The following SETD1B variants were observed in gnomAD, a reference collection of about 807,000 sequenced individuals.
SETD1B encodes the protein histone-lysine N-methyltransferase SETD1B.
In SETD1B, 7 loss-of-function variants were observed where a neutral mutation model predicts 148.0. The observed-to-expected ratio is 0.05, with a 90% CI of 0.03 to 0.09. SETD1B has a LOEUF of 0.09. Ranked by LOEUF, SETD1B falls within the 10% of genes least tolerant of loss-of-function variation. The pLI is 1.00. For synonymous variants in SETD1B, 1,361 were observed against 1,186.5 expected (o/e 1.15, Z -3.02); for missense variants, 2,155 against 2,729.9 (o/e 0.79, Z 4.69).
intron 13 of SETD1B, among the ~76,000 whole-genome samples, chr12:121,827,191 C>A (rs1592992446): frequency 6.6e-6 from 1 of 151,962 alleles, no homozygotes; most frequent in Non-Finnish European, 1.5e-5. Context: ...TCGGAAGGAT[C>A]CCCGATTTTG....
At position 121,825,206 on chromosome 12, in the gene SETD1B, G is replaced by C; in HGVS notation, c.5177G>C (p.Ser1726Thr). The C allele has an allele frequency of 6.4e-7, 1 of 1,551,490 alleles. No individual in the cohort carries two copies. The highest frequency in any genetic ancestry group is 8.7e-7 in the Non-Finnish European group (1 of 1,146,978). Residue 1726 changes from serine (S) to threonine (T), a missense_variant, in exon 13 of 17, where the codon AGC becomes ACC. Physicochemically the swap from Ser to Thr is moderately conservative, Grantham distance 58. This residue lies in a region of SETD1B where 96 missense variants were observed against 148.7 expected (regional missense o/e 0.65). Transcript: ENST00000604567. Reference sequence around the variant, plus strand: ...GCCCTTGACCCACACCCACCCACCAGCCTCTCTTCAGCTAAGAAGAAGAAA... The same window carrying C: ...GCCCTTGACCCACACCCACCCACCACCCTCTCTTCAGCTAAGAAGAAGAAA... ...DTLWVYHPST[S>T]LSSAKKKKRD...
At position 121,830,394 on chromosome 12, in the gene SETD1B, C is replaced by G. The variant is rs575877388; in HGVS notation, c.*155C>G. On this transcript the variant is annotated 3_prime_UTR_variant, in exon 17 of 17. Transcript: ENST00000604567. This position sits in a 1 kb window ranked among gnomAD's most constrained non-coding sequence, Gnocchi z 5.7. ...CAGGGCCTGGCGCCCCACACTACCCCCTGGAGCCCCTGGCTCCGGCCCCTC... is the reference window on the plus strand; with the variant it reads ...CAGGGCCTGGCGCCCCACACTACCCGCTGGAGCCCCTGGCTCCGGCCCCTC... The G allele has an allele frequency of 3.9e-4, 247 of 640,576 alleles. 6 individuals carry two copies. The highest frequency in any genetic ancestry group is 3.4e-3 in the South Asian group (163 of 47,372). The allele number at this position is 640,576 out of a possible 1,614,324, so 39.7% of individuals were successfully genotyped here.
At chr12:121,826,326 G>A (rs955903359) in intron 13 of SETD1B, among the ~76,000 whole-genome samples, 2 of 152,226 alleles carry the variant, frequency 1.3e-5, no homozygotes, top group Non-Finnish European at 1.5e-5. Context: ...GGATTACCAA[G>A]TCAAAGGGGA....
upstream of SETD1B, chr12:121,803,611 C>A (rs994903136): frequency 6.6e-6 from 1 of 152,162 alleles, no homozygotes; most frequent in African/African-American, 2.4e-5. This position sits in a 1 kb window ranked among gnomAD's most constrained non-coding sequence, Gnocchi z 4.7. Context: ...CCCCCAGACC[C>A]CAGCCATCTC....
At chr12:121,792,137 C>T in the SETD1B span, among the ~76,000 whole-genome samples, 1 of 133,104 alleles carries the variant, frequency 7.5e-6, no homozygotes, top group Non-Finnish European at 1.5e-5. Flanking sequence ...CTTTTCGGGT[C>T]CTCTCCAAGG....
At chr12:121,803,902 G>GC (rs1875546376), upstream of SETD1B, 1 of 154,034 alleles carries the variant, frequency 6.5e-6, no homozygotes, top group Non-Finnish European at 1.5e-5. The surrounding 1 kb of genome is among the most constrained non-coding windows in gnomAD (Gnocchi z 4.7). Flanking sequence ...AGCTGCCGCC[G>GC]CCGGGAGAGT....
At chr12:121,803,104 G>C (rs1451671275), upstream of SETD1B, 1 of 151,944 alleles carries the variant, frequency 6.6e-6, no homozygotes, top group Non-Finnish European at 1.5e-5. The surrounding 1 kb of genome is among the most constrained non-coding windows in gnomAD (Gnocchi z 4.7). Context: ...CCAGCTCCGA[G>C]CCCCGGCGAG....
intron 6 of SETD1B, among the ~76,000 whole-genome samples, chr12:121,811,315 G>T (rs892413047): frequency 1.3e-5 from 2 of 152,072 alleles, no homozygotes; most frequent in Non-Finnish European, 2.9e-5. Flanking sequence ...TGAAGCCCCG[G>T]AGCATTGTCT....
the SETD1B span, among the ~76,000 whole-genome samples, chr12:121,792,620 C>T: frequency 1.3e-5 from 2 of 152,250 alleles, no homozygotes; most frequent in African/African-American, 2.4e-5. Context: ...GCCGTGGAAT[C>T]CTGGGAGCTG....
the SETD1B span, chr12:121,793,344 C>T: frequency 2.1e-6 from 3 of 1,433,160 alleles, no homozygotes; most frequent in South Asian, 2.5e-5. Context: ...TCAGCCCCCC[C>T]TCACCCCGCT....
intron 11 of SETD1B, among the ~76,000 whole-genome samples, 159 bp from the exon 12 acceptor site, chr12:121,822,331 T>C (rs1158856689): frequency 6.6e-6 from 1 of 152,188 alleles, no homozygotes; most frequent in African/African-American, 2.4e-5. Flanking sequence ...TGACACTGGG[T>C]TGGGCGCTGA....
intron 11 of SETD1B, 22 bp from the exon 12 acceptor site, chr12:121,822,468 G>T (rs1876603875): frequency 1.3e-6 from 2 of 1,513,252 alleles, no homozygotes; most frequent in Non-Finnish European, 1.8e-6. Flanking sequence ...TAAATGTCTC[G>T]TGTTCGCTCA....
intron 12 of SETD1B, among the ~76,000 whole-genome samples, chr12:121,824,602 G>A (rs564077249): frequency 5.3e-5 from 8 of 151,874 alleles, no homozygotes; most frequent in Non-Finnish European, 1.0e-4. Flanking sequence ...AGCCAAGATC[G>A]CACCACTGCA....
the SETD1B span, among the ~76,000 whole-genome samples, chr12:121,796,734 A>G: frequency 1.3e-5 from 2 of 152,240 alleles, no homozygotes; most frequent in African/African-American, 4.8e-5. Context: ...AGCCAGACTC[A>G]GCAACAGCTC....
rs1423745892 is a variant in SETD1B at position 121,805,015 on chromosome 12, C to T, written c.175-103C>T. ...CCCGATCCCCCGGCCAACTGTCAGA[C>T]GGGGCCCCAGCCCTGGAGTTTGACA... On this transcript the variant is annotated intron_variant, in intron 2 of 16. Coordinates refer to ENST00000604567, the MANE Select transcript of SETD1B (RefSeq NM_001353345.2). The surrounding 1 kb of genome is among the most constrained non-coding windows in gnomAD (Gnocchi z 4.2). The T allele has an allele frequency of 3.4e-6, 5 of 1,464,750 alleles. No individual in the cohort carries two copies. The highest frequency in any genetic ancestry group is 2.8e-5 in the African/African-American group (2 of 70,794). The allele number at this position is 1,464,750 out of a possible 1,614,324, so 90.7% of individuals were successfully genotyped here. A position where few individuals can be genotyped will look rare whatever the true frequency, so the allele number is the denominator to read the frequency against.
In SETD1B at chr12:121,809,676, C is replaced by A. The variant is rs1220942444; in HGVS notation, c.731C>A (p.Thr244Asn). The A allele has an allele frequency of 1.9e-6, 3 of 1,551,614 alleles. No individual in the cohort carries two copies. Among genetic ancestry groups the A allele is most frequent in the South Asian group, 1.2e-5 (1 of 84,062 alleles). Residue 244 changes from threonine to asparagine, a missense_variant, in exon 6 of 17, where the codon ACC becomes AAC. Physicochemically the swap from Thr to Asn is moderately conservative, Grantham distance 65. This residue lies in a region of SETD1B where 376 missense variants were observed against 385.0 expected (regional missense o/e 0.98). Transcript: ENST00000604567. ...AGCGSGSSSV[T>N]PNSGGTPFSQ... ...TGTGGCTCCGGCTCCTCCTCTGTCA[C>A]CCCCAATAGCGGTGGGACACCCTTC...
At chr12:121,829,916 G>C in intron 16 of SETD1B, 150 bp from the exon 17 acceptor site, 2 of 547,904 alleles carry the variant, frequency 3.7e-6, no homozygotes, top group Non-Finnish European at 6.1e-6. Context: ...CCTGGGGGTC[G>C]GGGGAGCCAA....
Position 121,814,294 on chromosome 12 carries a change from A to C in SETD1B, c.2079A>C (p.Pro693=), listed in dbSNP as rs774390004. ...CTGGCTTCCCCCCGCTGCCCCCCCC[A>C]CCACCACCACCCCCACCGCAGCCTG... ...PPPGFPPLPP[P]PPPPPPQPGF... Residue 693 remains proline (P), a synonymous_variant, in exon 7 of 17, where the codon CCA becomes CCC. Transcript: ENST00000604567. 5,659 of 413,438 alleles carry C rather than the reference A, an allele frequency of 0.014. 25 individuals carry two copies. Among genetic ancestry groups the C allele is most frequent in the Non-Finnish European group, 0.015 (5,036 of 326,660 alleles). 25.6% of individuals were successfully genotyped at this position (413,438 alleles called of 1,614,324 possible).
chr12:121,829,028 C>T (rs1406860350), intron 16 of SETD1B, among the ~76,000 whole-genome samples: 2 of 151,936 alleles, frequency 1.3e-5, no homozygotes, highest in South Asian at 2.1e-4. Context: ...TGTTCAAAGG[C>T]CCTGGGGCAG....
Sources: allele counts gnomAD v4.1 joint callset (sites outside exome capture counted in the v4.1 genomes callset), GRCh38; gene constraint gnomAD v4.1.1; regional missense constraint gnomAD v4.1.1; non-coding constraint Gnocchi (gnomAD v3.1); transcripts MANE v1.5; gene names NCBI Gene and HGNC (gene_info 2026-07-23, HGNC 2026-07-21).